SH3BGRL2: variants seen among roughly 807,000 people sequenced by gnomAD.
The protein encoded by SH3BGRL2 is SH3 domain binding glutamate rich protein like 2.
In SH3BGRL2, 21 loss-of-function variants were observed where a neutral mutation model predicts 14.8. That is an observed-to-expected ratio of 1.42 (90% CI 1.01 to 2.05). The LOEUF is 2.05. SH3BGRL2 is among the 30% of genes most tolerant of loss of function. SH3BGRL2 has a pLI of 0.00. For missense variants in SH3BGRL2, 147 were observed against 130.8 expected (o/e 1.12, Z -0.61); for synonymous variants, 50 against 47.8 (o/e 1.05, Z -0.19).
chr6:79,669,315 A>G (rs1368879028), intron 1 of SH3BGRL2, among the ~76,000 whole-genome samples: 1 of 152,142 alleles, frequency 6.6e-6, no homozygotes, highest in African/African-American at 2.4e-5. Flanking sequence ...CCTCAAGGAT[A>G]AAAGAATCAG....
At chr6:79,677,767 C>A (rs1377275651) in intron 2 of SH3BGRL2, among the ~76,000 whole-genome samples, 1 of 152,146 alleles carries the variant, frequency 6.6e-6, no homozygotes, top group Admixed American at 6.5e-5. Flanking sequence ...CATCAAGAAC[C>A]CAAACTGGCA....
At chr6:79,618,490 G>A in the SH3BGRL2 span, among the ~76,000 whole-genome samples, 1 of 152,138 alleles carries the variant, frequency 6.6e-6, no homozygotes, top group African/African-American at 2.4e-5. Context: ...GGCGGATCAC[G>A]AGGTCAGGAG....
the SH3BGRL2 span, among the ~76,000 whole-genome samples, chr6:79,587,377 TC>T: frequency 6.6e-6 from 1 of 152,012 alleles, no homozygotes; most frequent in Admixed American, 6.6e-5. Context: ...AAGCTGTTAC[TC>T]CAGTGGACAT....
chr6:79,537,791 A>C, the SH3BGRL2 span, among the ~76,000 whole-genome samples: 4 of 152,142 alleles, frequency 2.6e-5, no homozygotes, highest in Non-Finnish European at 2.9e-5. Flanking sequence ...TTCCTTTGGG[A>C]AATAACTTGC....
chr6:79,661,730 G>A (rs1342040760), intron 1 of SH3BGRL2, among the ~76,000 whole-genome samples: 2 of 152,178 alleles, frequency 1.3e-5, no homozygotes, highest in African/African-American at 4.8e-5. Flanking sequence ...TGACAGTGGA[G>A]TGTTAAAGTC....
the SH3BGRL2 span, among the ~76,000 whole-genome samples, chr6:79,560,867 CTTTTTTTTT>C: frequency 1.1e-4 from 5 of 45,784 alleles, no homozygotes; most frequent in Admixed American, 7.0e-4. Flanking sequence ...ACAATACACT[CTTTTTTTTT>C]TTTTTTTTTT....
chr6:79,573,964 G>A, the SH3BGRL2 span: 2 of 151,940 alleles, frequency 1.3e-5, no homozygotes, highest in Non-Finnish European at 2.9e-5. Flanking sequence ...TAATTACTAG[G>A]TACAAGATTC....
At chr6:79,541,983 C>G in the SH3BGRL2 span, among the ~76,000 whole-genome samples, 87 of 152,256 alleles carry the variant, frequency 5.7e-4, no homozygotes, top group Admixed American at 1.5e-3. Context: ...GCACCCCTCC[C>G]CTCCAAAGAC....
intron 2 of SH3BGRL2, among the ~76,000 whole-genome samples, chr6:79,675,850 T>G (rs1769870601): frequency 6.7e-6 from 1 of 150,042 alleles, no homozygotes; most frequent in South Asian, 2.1e-4. Context: ...TTTTCATTGA[T>G]TTTTTTTTTC....
At chr6:79,622,996 C>T in the SH3BGRL2 span, among the ~76,000 whole-genome samples, 1 of 152,112 alleles carries the variant, frequency 6.6e-6, no homozygotes, top group South Asian at 2.1e-4. Flanking sequence ...GCATAAAGAA[C>T]TTAATGAGCT....
At chr6:79,659,949 T>C (rs1229250263) in intron 1 of SH3BGRL2, among the ~76,000 whole-genome samples, 1 of 152,186 alleles carries the variant, frequency 6.6e-6, no homozygotes, top group Admixed American at 6.5e-5. Flanking sequence ...TTGTCTGTTA[T>C]TGGTGTATAA....
the SH3BGRL2 span, among the ~76,000 whole-genome samples, chr6:79,562,432 G>A: frequency 6.6e-6 from 1 of 152,026 alleles, no homozygotes; most frequent in Non-Finnish European, 1.5e-5. Context: ...TAACTCCTAG[G>A]TCATTTGGAA....
rs765159303 is a variant in SH3BGRL2 at position 79,649,985 on chromosome 6, T to TCTCTCTCACACA, written c.45+18480_45+18481insTCTCTCACACAC. ...CTTATGTACTCTCTCTCTCTCTCTC[T>TCTCTCTCACACA]CACACACACACACACACACACACAC... On this transcript the variant is annotated intron_variant, in intron 1 of 3. Coordinates refer to ENST00000369838, the MANE Select transcript of SH3BGRL2 (RefSeq NM_031469.4). 3.0e-3 allele frequency among the ~76,000 whole-genome samples: 432 copies of TCTCTCTCACACA among 142,060 alleles called. 1 individual carries two copies. Among genetic ancestry groups the TCTCTCTCACACA allele is most frequent in the Non-Finnish European group, 5.2e-3 (344 of 65,602 alleles). The allele number at this position is 142,060 out of a possible 152,430, so 93.2% of individuals were successfully genotyped here.
upstream of SH3BGRL2, among the ~76,000 whole-genome samples, chr6:79,627,290 A>G (rs889667782): frequency 6.6e-6 from 1 of 152,190 alleles, no homozygotes; most frequent in South Asian, 2.1e-4. Flanking sequence ...CTGGTCACAT[A>G]TGTTGTAAAT....
intron 2 of SH3BGRL2, among the ~76,000 whole-genome samples, chr6:79,690,091 A>G (rs1286424742): frequency 6.6e-6 from 1 of 152,158 alleles, no homozygotes; most frequent in Non-Finnish European, 1.5e-5. Context: ...TTCAGGGCTC[A>G]GTTGGTCCTC....
At chr6:79,560,637 A>G in the SH3BGRL2 span, among the ~76,000 whole-genome samples, 3 of 152,196 alleles carry the variant, frequency 2.0e-5, no homozygotes, top group African/African-American at 7.2e-5. Context: ...AATTTAATTT[A>G]TTGAGTTTAT....
chr6:79,602,247 A>G, the SH3BGRL2 span, among the ~76,000 whole-genome samples: 1 of 152,240 alleles, frequency 6.6e-6, no homozygotes, highest in East Asian at 1.9e-4. Flanking sequence ...AGTCTACTGG[A>G]TGAGACAGAG....
the SH3BGRL2 span, among the ~76,000 whole-genome samples, chr6:79,542,288 A>G: frequency 6.8e-6 from 1 of 148,074 alleles, no homozygotes; most frequent in Non-Finnish European, 1.5e-5. Flanking sequence ...TTTTTCCGAG[A>G]CAGGGTTTCA....
chr6:79,573,205 C>T, the SH3BGRL2 span, among the ~76,000 whole-genome samples: 2 of 151,982 alleles, frequency 1.3e-5, no homozygotes, highest in East Asian at 1.9e-4. Context: ...TTTATTTTTC[C>T]CTCTGTATAG....
Sources: allele counts gnomAD v4.1 joint callset (sites outside exome capture counted in the v4.1 genomes callset), GRCh38; gene constraint gnomAD v4.1.1; transcripts MANE v1.5; gene names NCBI Gene and HGNC (gene_info 2026-07-23, HGNC 2026-07-21).